Variants in WNT3 observed in about 807,000 individuals in gnomAD.
WNT3 encodes proto-oncogene Wnt-3.
A neutral mutation model predicts 34.2 loss-of-function variants in WNT3; 7 were observed. The observed-to-expected ratio is 0.20, with a 90% CI of 0.12 to 0.38. The LOEUF is 0.38. WNT3 is among the 10% of genes least tolerant of loss of function. WNT3 has a pLI of 1.00. For synonymous variants in WNT3, 212 were observed against 211.5 expected (o/e 1.00, Z -0.02); for missense variants, 267 against 499.8 (o/e 0.53, Z 4.44).
intron 4 of WNT3, among the ~76,000 whole-genome samples, chr17:46,766,723 C>G (rs80157885): frequency 0.011 from 1,628 of 152,260 alleles, 13 homozygotes; most frequent in Middle Eastern, 0.037. Context: ...GAGGCCCGTC[C>G]ACTTCCCTCC....
intron 1 of WNT3, among the ~76,000 whole-genome samples, chr17:46,778,071 G>T (rs2059426743): frequency 6.6e-6 from 1 of 152,322 alleles, no homozygotes; most frequent in South Asian, 2.1e-4. Flanking sequence ...ACACAATCCA[G>T]TGCATGGCAC....
At chr17:46,804,575 T>C (rs2084168590) in intron 1 of WNT3, among the ~76,000 whole-genome samples, 1 of 152,282 alleles carries the variant, frequency 6.6e-6, no homozygotes. Flanking sequence ...TCTGTGGCTA[T>C]AGGACTTGCA....
intron 1 of WNT3, among the ~76,000 whole-genome samples, chr17:46,779,053 T>TCTCACACACACACACACACA (rs1310974235): frequency 5.0e-5 from 5 of 100,666 alleles, no homozygotes; most frequent in African/African-American, 1.3e-4. Flanking sequence ...CCCTACCCCA[T>TCTCACACACACACACACACA]CACACACACA....
chr17:46,793,827 G>A (rs1028674994), intron 1 of WNT3, among the ~76,000 whole-genome samples: 1 of 152,140 alleles, frequency 6.6e-6, no homozygotes, highest in Non-Finnish European at 1.5e-5. Flanking sequence ...TAGAGATGCC[G>A]GCTCCAGTTT....
intron 1 of WNT3, among the ~76,000 whole-genome samples, chr17:46,800,974 C>T (rs1465713469): frequency 1.3e-5 from 2 of 152,122 alleles, no homozygotes; most frequent in Non-Finnish European, 2.9e-5. Flanking sequence ...GAGGTGTGCA[C>T]GAGAACAACG....
intron 1 of WNT3, among the ~76,000 whole-genome samples, chr17:46,813,630 C>A (rs1344499004): frequency 6.6e-6 from 1 of 151,926 alleles, no homozygotes; most frequent in Non-Finnish European, 1.5e-5. Flanking sequence ...ATTCTGAGAC[C>A]AGAAAAATCT....
chr17:46,777,378 C>G (rs1053187010), intron 1 of WNT3, among the ~76,000 whole-genome samples: 2 of 152,230 alleles, frequency 1.3e-5, no homozygotes, highest in Non-Finnish European at 2.9e-5. Flanking sequence ...CAAGGGGCTC[C>G]CTGCTTCCTG....
Position 46,768,746 on chromosome 17 carries a change from G to A in WNT3, c.642C>T (p.Ser214=), listed in dbSNP as rs983198653. The change falls in exon 4 of 5, where the codon AGC becomes AGT. Residue 214 remains serine (S), a synonymous_variant. Coordinates refer to ENST00000225512, the MANE Select transcript of WNT3 (RefSeq NM_030753.5). This position sits in a 1 kb window ranked among gnomAD's most constrained non-coding sequence, Gnocchi z 5.0. ...LKCKCHGLSG[S]CEVKTCWWAQ... ...CCCACCAGCAGGTCTTCACCTCACA[G>A]CTGCCCGACAGCCCGTGGCACTTGC... is the stretch of plus-strand genomic sequence containing the variant. The A allele has an allele frequency of 3.7e-6, 6 of 1,614,144 alleles. No homozygotes were observed. The highest frequency in any genetic ancestry group is 1.7e-5 in the Admixed American group (1 of 60,026).
chr17:46,774,023 C>A (rs1425963137), intron 1 of WNT3, 114 bp from the exon 2 acceptor site: 2 of 1,441,690 alleles, frequency 1.4e-6, no homozygotes, highest in Non-Finnish European at 1.9e-6. Context: ...AGGGCCTGTG[C>A]CCTGGCACCT....
chr17:46,790,523 C>A (rs1477159965), intron 1 of WNT3, among the ~76,000 whole-genome samples: 3 of 152,082 alleles, frequency 2.0e-5, no homozygotes, highest in African/African-American at 7.2e-5. Context: ...CACAGCCCCA[C>A]CCTGGGTCCA....
At chr17:46,797,353 G>A (rs1388224856) in intron 1 of WNT3, among the ~76,000 whole-genome samples, 1 of 152,198 alleles carries the variant, frequency 6.6e-6, no homozygotes, top group African/African-American at 2.4e-5. Context: ...GAAGACGGCA[G>A]CTCCAGGCTG....
intron 1 of WNT3, among the ~76,000 whole-genome samples, chr17:46,775,248 G>C (rs1279940335): frequency 6.6e-6 from 1 of 152,230 alleles, no homozygotes; most frequent in Non-Finnish European, 1.5e-5. Flanking sequence ...GGAAACTGAG[G>C]TTTAGAGAGT....
chr17:46,809,283 AG>A (rs2146459048), intron 1 of WNT3, among the ~76,000 whole-genome samples: 1 of 152,222 alleles, frequency 6.6e-6, no homozygotes, highest in African/African-American at 2.4e-5. Flanking sequence ...GCTGGAGAGG[AG>A]GCGGGATCCT....
At chr17:46,769,355 T>C (rs1033639301) in intron 3 of WNT3, among the ~76,000 whole-genome samples, 17 of 146,458 alleles carry the variant, frequency 1.2e-4, no homozygotes, top group African/African-American at 4.3e-4. Context: ...AAAAAAGAAA[T>C]AGGAGTTATC....
intron 3 of WNT3, 53 bp downstream of exon 3, chr17:46,769,729 AG>A: frequency 1.3e-6 from 2 of 1,598,468 alleles, no homozygotes; most frequent in Non-Finnish European, 1.7e-6. Context: ...GCAGCTCCGG[AG>A]GGGAAGCGGG....
At chr17:46,766,989 G>A (rs960463134) in intron 4 of WNT3, among the ~76,000 whole-genome samples, 8 of 152,156 alleles carry the variant, frequency 5.3e-5, no homozygotes, top group Non-Finnish European at 8.8e-5. Flanking sequence ...TGGGTCACAC[G>A]GTTGGCAAGT....
chr17:46,790,574 C>T (rs1018415730), intron 1 of WNT3, among the ~76,000 whole-genome samples: 3 of 152,182 alleles, frequency 2.0e-5, no homozygotes, highest in African/African-American at 7.2e-5. Context: ...CCCTGGGCCC[C>T]ACCTCCTATT....
intron 1 of WNT3, among the ~76,000 whole-genome samples, chr17:46,786,256 GGAA>G (rs960782831): frequency 4.6e-5 from 7 of 152,114 alleles, no homozygotes; most frequent in Admixed American, 1.3e-4. Context: ...AGTCAAGGGT[GGAA>G]GAAGGAGGAG....
intron 1 of WNT3, 103 bp from the exon 2 acceptor site, chr17:46,774,012 G>C: frequency 6.7e-7 from 1 of 1,485,524 alleles, no homozygotes; most frequent in Non-Finnish European, 9.1e-7. Flanking sequence ...TGGAGAGGCA[G>C]AGGGCCTGTG....
Sources: allele counts gnomAD v4.1 joint callset (sites outside exome capture counted in the v4.1 genomes callset), GRCh38; gene constraint gnomAD v4.1.1; non-coding constraint Gnocchi (gnomAD v3.1); transcripts MANE v1.5; gene names NCBI Gene and HGNC (gene_info 2026-07-23, HGNC 2026-07-21).